Variants in PCNX1 observed in about 807,000 individuals in gnomAD.
PCNX1 encodes the protein pecanex 1, also known as pecanex-like protein 1.
PCNX1 carries 78 observed loss-of-function variants against 242.2 expected under a neutral mutation model. The ratio of observed to expected loss-of-function variants is 0.32; its 90% CI spans 0.27 to 0.39. The LOEUF is 0.39. PCNX1 is among the 10% of genes least tolerant of loss of function. The pLI is 1.00. For synonymous variants in PCNX1, 1,024 were observed against 1,032.9 expected (o/e 0.99, Z 0.17); for missense variants, 2,581 against 2,856.5 (o/e 0.90, Z 2.20).
At chr14:71,107,369 T>C (rs1043415412) in intron 33 of PCNX1, among the ~76,000 whole-genome samples, 6 of 152,082 alleles carry the variant, frequency 3.9e-5, no homozygotes, top group African/African-American at 9.6e-5. Context: ...TTTTTTTTTA[T>C]TTGCTGAAGT....
intron 22 of PCNX1, chr14:71,049,293 T>C (rs891467158): frequency 1.2e-5 from 2 of 162,174 alleles, no homozygotes; most frequent in African/African-American, 2.4e-5. Flanking sequence ...ATGAACAAAA[T>C]AGAGAAAGCT....
At chr14:71,046,540 C>T (rs61990407) in intron 20 of PCNX1, among the ~76,000 whole-genome samples, 2,160 of 152,128 alleles carry the variant, frequency 0.014, 24 homozygotes, top group Middle Eastern at 0.034. Flanking sequence ...ATCCTAGACA[C>T]TTTCCCCAAT....
Position 70,981,445 on chromosome 14 carries a change from T to C in PCNX1, c.2311+2797T>C, listed in dbSNP as rs577651412. On this transcript the variant is annotated intron_variant, in intron 6 of 35. Coordinates refer to ENST00000304743, the MANE Select transcript of PCNX1 (RefSeq NM_014982.3). ...AATAGGAAAAACATTTTTATTAACA[T>C]CAATTTAGTGACATGGACCTTATTT... Among the ~76,000 whole-genome samples, 3 of 152,276 alleles carry C rather than the reference T, an allele frequency of 2.0e-5. No individual in the cohort carries two copies. In the South Asian group the frequency reaches 6.2e-4, roughly 32 times the overall value.
intron 30 of PCNX1, among the ~76,000 whole-genome samples, chr14:71,098,558 G>A (rs1377405778): frequency 6.6e-6 from 1 of 150,856 alleles, no homozygotes; most frequent in Non-Finnish European, 1.5e-5. Flanking sequence ...GTGTGTGAGA[G>A]AGAGAGAGAG....
intron 1 of PCNX1, among the ~76,000 whole-genome samples, chr14:70,936,305 G>T (rs535927493): frequency 5.3e-4 from 68 of 127,746 alleles, no homozygotes; most frequent in African/African-American, 1.9e-3. Context: ...GACAGGCCCT[G>T]GTGTGTGATG....
Position 71,000,582 on chromosome 14 carries a change from A to C in PCNX1, c.2629+4657A>C, listed in dbSNP as rs958462246. Among the ~76,000 whole-genome samples the C allele has an allele frequency of 6.4e-5, 9 of 141,190 alleles. No individual in the cohort carries two copies. The East Asian group carries it at 1.8e-3, about 29-fold the overall frequency. The allele number at this position is 141,190 out of a possible 152,430, so 92.6% of individuals were successfully genotyped here. On this transcript the variant is annotated intron_variant, in intron 8 of 35. Transcript: ENST00000304743. ...CACTTTGTCGCCCAGGCTGGAGTGC[A>C]GTGGTGCAATCTTGGCTCACTGCAA...
chr14:70,956,074 T>C (rs2057982878), intron 2 of PCNX1, among the ~76,000 whole-genome samples: 1 of 152,090 alleles, frequency 6.6e-6, no homozygotes, highest in Non-Finnish European at 1.5e-5. Context: ...TGACATCTAG[T>C]GGGTAAAGGC....
intron 13 of PCNX1, among the ~76,000 whole-genome samples, chr14:71,024,717 T>C (rs903657030): frequency 6.6e-6 from 1 of 152,208 alleles, no homozygotes; most frequent in Admixed American, 6.5e-5. Context: ...ATTAACATTT[T>C]GGCCAGCTAA....
chr14:71,045,109 T>C (rs889535940), intron 19 of PCNX1, 24 bp from the exon 20 acceptor site: 59 of 1,527,852 alleles, frequency 3.9e-5, no homozygotes, highest in Non-Finnish European at 5.0e-5. Flanking sequence ...CTCCTAATTT[T>C]ATCACTTCTA....
intron 1 of PCNX1, among the ~76,000 whole-genome samples, chr14:70,908,742 T>C (rs1435218644): frequency 6.6e-6 from 1 of 152,216 alleles, no homozygotes. Context: ...GGAATCTGGC[T>C]GGCATTTCAG....
intron 6 of PCNX1, among the ~76,000 whole-genome samples, chr14:70,984,852 T>G (rs779095088): frequency 2.8e-4 from 42 of 152,230 alleles, no homozygotes; most frequent in Non-Finnish European, 5.1e-4. Flanking sequence ...TTTCTATGCT[T>G]TTATTCACAG....
intron 33 of PCNX1, among the ~76,000 whole-genome samples, chr14:71,108,141 CTGTGAGTTCGGGGTTT>C (rs1358246069): frequency 6.6e-6 from 1 of 152,174 alleles, no homozygotes; most frequent in Admixed American, 6.5e-5. Flanking sequence ...CTCTCTGCTT[CTGTGAGTTCGGGGTTT>C]TCAGATTCCA....
At position 71,074,216 on chromosome 14, in the gene PCNX1, T is replaced by G. The variant is rs74060580; in HGVS notation, c.5106+418T>G. 8.6e-3 allele frequency among the ~76,000 whole-genome samples: 1,311 copies of G among 152,374 alleles called. 26 individuals carry two copies. The highest frequency in any genetic ancestry group is 0.03 in the African/African-American group (1,237 of 41,598). ...GAGTTTGGGGCTTAAAAGCCAGGCTTGTCTGACTCTTGAGCCCTTGCCCTT... is the reference window on the plus strand; with the variant it reads ...GAGTTTGGGGCTTAAAAGCCAGGCTGGTCTGACTCTTGAGCCCTTGCCCTT... On this transcript the variant is annotated intron_variant, in intron 27 of 35. Coordinates refer to ENST00000304743, the MANE Select transcript of PCNX1 (RefSeq NM_014982.3).
chr14:71,050,542 C>A, intron 22 of PCNX1, 110 bp from the exon 23 acceptor site: 1 of 905,486 alleles, frequency 1.1e-6, no homozygotes, highest in Non-Finnish European at 1.6e-6. Context: ...AATGCCATTT[C>A]CCTATTAGGA....
At chr14:71,080,068 C>T (rs1001616395) in intron 28 of PCNX1, among the ~76,000 whole-genome samples, 6 of 152,100 alleles carry the variant, frequency 3.9e-5, no homozygotes, top group African/African-American at 1.2e-4. Flanking sequence ...AGGAAGGGGT[C>T]CAGTTTCAGT....
At position 70,946,922 on chromosome 14, in the gene PCNX1, C is replaced by T. The variant is rs753264996; in HGVS notation, c.161C>T (p.Pro54Leu). The T allele has an allele frequency of 2.5e-6, 4 of 1,607,340 alleles. No homozygotes were observed. Among genetic ancestry groups the T allele is most frequent in the East Asian group, 2.2e-5 (1 of 44,828 alleles). ...GLPFTLYMAL[P>L]STMIIVAVYC... ...ATTTTCTTTCTCTTAAAGGCCCTTC[C>T]TTCTACCATGATTATAGTAGCAGTT... The change falls in exon 2 of 36, where the codon CCT (proline) becomes CTT (leucine). Residue 54 changes from proline (P) to leucine (L), a missense_variant. Around this residue, in one of 9 missense-constraint regions of PCNX1, gnomAD observed 1,204 missense variants for 1,216.7 expected, o/e 0.99. Coordinates refer to ENST00000304743, the MANE Select transcript of PCNX1 (RefSeq NM_014982.3).
At chr14:70,948,626 C>CGTGT (rs2057560931) in intron 2 of PCNX1, among the ~76,000 whole-genome samples, 2 of 148,392 alleles carry the variant, frequency 1.3e-5, no homozygotes, top group South Asian at 4.3e-4. Flanking sequence ...TATATATACA[C>CGTGT]ATATATAGTT....
intron 7 of PCNX1, among the ~76,000 whole-genome samples, chr14:70,995,350 T>C (rs1242618955): frequency 3.9e-5 from 6 of 152,228 alleles, no homozygotes; most frequent in African/African-American, 1.2e-4. Context: ...AGGCTATAAA[T>C]GAAAGTGCAT....
At chr14:71,101,696 T>C (rs1472187342) in intron 30 of PCNX1, among the ~76,000 whole-genome samples, 1 of 151,812 alleles carries the variant, frequency 6.6e-6, no homozygotes, top group African/African-American at 2.4e-5. Flanking sequence ...AATAAAGATA[T>C]GAAAAACCAA....
Sources: allele counts gnomAD v4.1 joint callset (sites outside exome capture counted in the v4.1 genomes callset), GRCh38; gene constraint gnomAD v4.1.1; regional missense constraint gnomAD v4.1.1; transcripts MANE v1.5; gene names NCBI Gene and HGNC (gene_info 2026-07-23, HGNC 2026-07-21).